The following ASAP2 variants were observed in gnomAD, a reference collection of about 807,000 sequenced individuals.
The protein encoded by ASAP2 is arf-GAP with SH3 domain, ANK repeat and PH domain-containing protein 2.
In ASAP2, 45 loss-of-function variants were observed where a neutral mutation model predicts 131.4. The observed-to-expected ratio is 0.34, with a 90% CI of 0.27 to 0.44. The LOEUF (loss-of-function observed/expected upper bound fraction) is 0.44, where lower values mean the gene tolerates loss of function less well. ASAP2 is among the 20% of genes least tolerant of loss of function. The pLI is 1.00. For synonymous variants in ASAP2, 510 were observed against 503.0 expected, an observed-to-expected ratio of 1.01 and a Z score of -0.19; for missense variants, 1,011 against 1,297.0, an observed-to-expected ratio of 0.78 and a Z score of 3.39.
intron 2 of ASAP2, 29 bp downstream of exon 2, chr2:9,279,418 C>G: frequency 6.2e-7 from 1 of 1,603,280 alleles, no homozygotes; most frequent in Non-Finnish European, 8.5e-7. Flanking sequence ...CTAGAGGTTT[C>G]TGTGTGGAAA....
intron 1 of ASAP2, among the ~76,000 whole-genome samples, chr2:9,252,247 T>C (rs1187995143): frequency 6.6e-6 from 1 of 151,956 alleles, no homozygotes; most frequent in Non-Finnish European, 1.5e-5. Flanking sequence ...CAACTGAGAG[T>C]AATTGATGAA....
At chr2:9,265,858 C>T (rs1008220343) in intron 1 of ASAP2, among the ~76,000 whole-genome samples, 2 of 152,304 alleles carry the variant, frequency 1.3e-5, no homozygotes, top group South Asian at 4.1e-4. Flanking sequence ...CTGCAACCTC[C>T]ACCTCCCCGG....
Position 9,388,466 on chromosome 2 carries a change from G to C in ASAP2, c.2303G>C (p.Ser768Thr), listed in dbSNP as rs1171053543. Reference protein sequence around the residue: ...LQNETYGALLSGSPPPAQPAA... With the variant: ...LQNETYGALLTGSPPPAQPAA... Reference sequence around the variant, plus strand: ...AATGAGACTTACGGAGCCCTCCTGAGTGGCAGCCCACCTCCCGCCCAGCCT... The same window carrying C: ...AATGAGACTTACGGAGCCCTCCTGACTGGCAGCCCACCTCCCGCCCAGCCT... The change falls in exon 22 of 28, where the codon AGT (serine) becomes ACT (threonine). Residue 768 changes from serine to threonine, a missense_variant. Ser to Thr is a moderately conservative substitution (Grantham distance 58, BLOSUM62 1). Around this residue, in one of 2 missense-constraint regions of ASAP2, gnomAD observed 652 missense variants for 698.9 expected, o/e 0.93. Coordinates refer to ENST00000281419, the MANE Select transcript of ASAP2 (RefSeq NM_003887.3). 6.2e-7 allele frequency: 1 copy of C among 1,613,990 alleles called. No individual in the cohort carries two copies. Among genetic ancestry groups the C allele is most frequent in the African/African-American group, 1.3e-5 (1 of 74,910 alleles).
At chr2:9,255,575 T>A (rs2148165306) in intron 1 of ASAP2, among the ~76,000 whole-genome samples, 1 of 152,362 alleles carries the variant, frequency 6.6e-6, no homozygotes, top group South Asian at 2.1e-4. Context: ...TGTGTGTCCT[T>A]GCCGTGGATT....
At chr2:9,297,219 T>C in intron 2 of ASAP2, 81 bp from the exon 3 acceptor site, 1 of 1,552,900 alleles carries the variant, frequency 6.4e-7, no homozygotes, top group Non-Finnish European at 8.8e-7. Flanking sequence ...GTGTTCAGTG[T>C]TATTCACAAC....
chr2:9,222,088 A>G (rs1255505189), intron 1 of ASAP2, among the ~76,000 whole-genome samples: 3 of 152,030 alleles, frequency 2.0e-5, no homozygotes, highest in Non-Finnish European at 4.4e-5. Flanking sequence ...GCGCTGGCCT[A>G]TTGCTTTTTC....
At chr2:9,285,353 A>G (rs536939835) in intron 2 of ASAP2, among the ~76,000 whole-genome samples, 10 of 152,260 alleles carry the variant, frequency 6.6e-5, no homozygotes, top group East Asian at 5.8e-4. Context: ...AGAACCCCCC[A>G]TCCCCACTTC....
chr2:9,343,048 G>A (rs1053946459), intron 9 of ASAP2, among the ~76,000 whole-genome samples: 8 of 152,242 alleles, frequency 5.3e-5, no homozygotes, highest in Non-Finnish European at 1.2e-4. Flanking sequence ...GATGTGCTTC[G>A]TTCTCCAAGG....
chr2:9,317,401 A>G (rs1669803731), intron 3 of ASAP2, among the ~76,000 whole-genome samples: 4 of 141,952 alleles, frequency 2.8e-5, no homozygotes, highest in Non-Finnish European at 4.6e-5. Context: ...CACACCCTCA[A>G]ACACACACAT....
intron 15 of ASAP2, among the ~76,000 whole-genome samples, chr2:9,367,491 C>T (rs550414340): frequency 2.0e-4 from 30 of 152,218 alleles, no homozygotes; most frequent in East Asian, 1.5e-3. Flanking sequence ...CCAGGCGCAG[C>T]GGCTCACGCC....
At position 9,299,434 on chromosome 2, in the gene ASAP2, C is replaced by G. The variant is rs1215848765; in HGVS notation, c.345+1989C>G. Among the ~76,000 whole-genome samples the G allele has an allele frequency of 2.6e-5, 4 of 152,320 alleles. No individual in the cohort carries two copies. In the East Asian group the frequency reaches 7.7e-4, roughly 29 times the overall value. On this transcript the variant is annotated intron_variant, in intron 3 of 27. Coordinates refer to ENST00000281419, the MANE Select transcript of ASAP2 (RefSeq NM_003887.3). ...ACGAGAGTAGAATTAAAGATATTTT[C>G]AGACATGCAAGGCTTAAAAACTTTG...
intron 2 of ASAP2, among the ~76,000 whole-genome samples, chr2:9,288,245 A>G (rs1667590875): frequency 6.6e-6 from 1 of 152,210 alleles, no homozygotes; most frequent in African/African-American, 2.4e-5. Context: ...TACCAAATCA[A>G]CACGATGACT....
Position 9,335,176 on chromosome 2 carries a change from A to C in ASAP2, c.846A>C (p.Lys282Asn), listed in dbSNP as rs1671118819. 6.2e-7 allele frequency: 1 copy of C among 1,614,004 alleles called. No individual in the cohort carries two copies. Among genetic ancestry groups the C allele is most frequent in the East Asian group, 2.2e-5 (1 of 44,886 alleles). Reference sequence around the variant, plus strand: ...AATCCGCATTGCAGGTTGAACAGAAAGAGGTGAGGGGATTTAATTTTGAAA... The same window carrying C: ...AATCCGCATTGCAGGTTGAACAGAACGAGGTGAGGGGATTTAATTTTGAAA... Reference protein sequence around the residue: ...ILKSALQVEQKEDSQIRQSTA... With the variant: ...ILKSALQVEQNEDSQIRQSTA... Residue 282 changes from lysine to asparagine, a missense_variant, in exon 9 of 28, where the codon AAA (lysine) becomes AAC (asparagine). Physicochemically the swap from Lys to Asn is moderately conservative, Grantham distance 94. Transcript: ENST00000281419.
At position 9,344,597 on chromosome 2, in the gene ASAP2, G is replaced by C. The variant is rs1056380934; in HGVS notation, c.915G>C (p.Gly305=). ...LHQPQGNKEH[G]TERNGSLYKK... ...AGCCTCAGGGAAACAAGGAACATGG[G>C]ACCGAGCGGAACGGCAGCCTCTACA... Residue 305 remains glycine, a synonymous_variant, in exon 10 of 28, where the codon GGG becomes GGC. Transcript: ENST00000281419. 6.2e-7 allele frequency: 1 copy of C among 1,614,148 alleles called. No homozygotes were observed.
intron 2 of ASAP2, among the ~76,000 whole-genome samples, chr2:9,288,847 CT>C (rs1667624559): frequency 1.3e-5 from 2 of 152,050 alleles, no homozygotes; most frequent in Admixed American, 1.3e-4. Flanking sequence ...CAGAGCACCC[CT>C]AGGAGGGAAG....
At chr2:9,324,230 A>G (rs1174762630) in intron 6 of ASAP2, among the ~76,000 whole-genome samples, 1 of 152,172 alleles carries the variant, frequency 6.6e-6, no homozygotes, top group Middle Eastern at 3.2e-3. Flanking sequence ...TAACCCTTAT[A>G]AATACATATA....
chr2:9,306,535 G>A (rs1668957463), intron 3 of ASAP2, among the ~76,000 whole-genome samples: 1 of 151,836 alleles, frequency 6.6e-6, no homozygotes, highest in African/African-American at 2.4e-5. Flanking sequence ...AGGGTGAGAG[G>A]GGCTTGAGCC....
intron 14 of ASAP2, 116 bp downstream of exon 14, chr2:9,356,461 C>T (rs776075181): frequency 8.3e-7 from 1 of 1,208,264 alleles, no homozygotes; most frequent in Non-Finnish European, 1.1e-6. Context: ...AAGTGCAGCT[C>T]AGCCTGAGTT....
intron 2 of ASAP2, among the ~76,000 whole-genome samples, chr2:9,290,958 A>G (rs1667771376): frequency 6.6e-6 from 1 of 152,186 alleles, no homozygotes; most frequent in African/African-American, 2.4e-5. Flanking sequence ...CACTGTTAGC[A>G]TTTTGATGTA....
Sources: allele counts gnomAD v4.1 joint callset (sites outside exome capture counted in the v4.1 genomes callset), GRCh38; gene constraint gnomAD v4.1.1; regional missense constraint gnomAD v4.1.1; transcripts MANE v1.5; gene names NCBI Gene and HGNC (gene_info 2026-07-23, HGNC 2026-07-21).